LRRC4C: variants seen among roughly 807,000 people sequenced by gnomAD.
LRRC4C encodes leucine-rich repeat-containing protein 4C.
In LRRC4C, 5 loss-of-function variants were observed where a neutral mutation model predicts 33.6. The ratio of observed to expected loss-of-function variants is 0.15; its 90% CI spans 0.08 to 0.31. LRRC4C has a LOEUF of 0.31. LRRC4C is among the 10% of genes least tolerant of loss of function. The pLI is 1.00. For synonymous variants in LRRC4C, 329 were observed against 302.0 expected (o/e 1.09, Z -0.93); for missense variants, 560 against 796.7 (o/e 0.70, Z 3.58).
At chr11:40,747,717 A>G (rs1424746931) in intron 2 of LRRC4C, among the ~76,000 whole-genome samples, 1 of 152,132 alleles carries the variant, frequency 6.6e-6, no homozygotes, top group Non-Finnish European at 1.5e-5. Context: ...AGATATCATA[A>G]AAAAGGAATC....
chr11:40,341,638 G>A (rs1946871637), intron 3 of LRRC4C, among the ~76,000 whole-genome samples: 2 of 152,076 alleles, frequency 1.3e-5, no homozygotes, highest in African/African-American at 4.8e-5. Context: ...GTATACATAT[G>A]TAACTAACCT....
chr11:40,716,500 C>A (rs1188286408), intron 2 of LRRC4C, among the ~76,000 whole-genome samples: 1 of 151,980 alleles, frequency 6.6e-6, no homozygotes, highest in African/African-American at 2.4e-5. Context: ...ACTTTTGGGC[C>A]TCTGGGCAGG....
intron 1 of LRRC4C, among the ~76,000 whole-genome samples, chr11:41,201,443 G>C (rs1946395023): frequency 1.3e-5 from 2 of 152,136 alleles, no homozygotes; most frequent in Non-Finnish European, 2.9e-5. Flanking sequence ...GGTCCTGGTA[G>C]CTCTAATTTC....
intron 1 of LRRC4C, among the ~76,000 whole-genome samples, chr11:41,070,807 A>G (rs780544090): frequency 1.9e-4 from 29 of 152,186 alleles, no homozygotes; most frequent in Non-Finnish European, 2.5e-4. Flanking sequence ...ACACTTCTAC[A>G]CTGTTGGTGG....
intron 3 of LRRC4C, among the ~76,000 whole-genome samples, chr11:40,356,673 A>G (rs1374448835): frequency 6.6e-6 from 1 of 152,146 alleles, no homozygotes; most frequent in Non-Finnish European, 1.5e-5. Context: ...AACAAAACAC[A>G]GTGACATGCC....
At chr11:40,908,793 C>T (rs1170267394) in intron 2 of LRRC4C, among the ~76,000 whole-genome samples, 2 of 152,050 alleles carry the variant, frequency 1.3e-5, no homozygotes, top group Non-Finnish European at 2.9e-5. Flanking sequence ...TTTGCATAAA[C>T]CTAGATTTTA....
chr11:41,125,968 A>G (rs1942716607), intron 1 of LRRC4C, among the ~76,000 whole-genome samples: 1 of 152,184 alleles, frequency 6.6e-6, no homozygotes, highest in Non-Finnish European at 1.5e-5. Context: ...GGGCAGGTAT[A>G]AAAGCAAAGA....
chr11:40,573,502 G>T (rs1958064037), intron 3 of LRRC4C, among the ~76,000 whole-genome samples: 1 of 151,994 alleles, frequency 6.6e-6, no homozygotes, highest in Admixed American at 6.6e-5. Context: ...AATAATAACT[G>T]TTTCTTTTTT....
intron 2 of LRRC4C, among the ~76,000 whole-genome samples, chr11:40,849,014 C>G (rs1953342693): frequency 1.3e-5 from 2 of 152,092 alleles, no homozygotes; most frequent in Admixed American, 6.6e-5. Context: ...CTTCCTCTAT[C>G]CCTTTATTTT....
At chr11:40,437,397 CTTTTTTT>C (rs755579650) in intron 3 of LRRC4C, among the ~76,000 whole-genome samples, 1 of 144,110 alleles carries the variant, frequency 6.9e-6, no homozygotes, top group Non-Finnish European at 1.5e-5. Flanking sequence ...TTCTTTTTTT[CTTTTTTT>C]TTTTTTGGAG....
chr11:40,179,743 C>A (rs546753051), intron 5 of LRRC4C, among the ~76,000 whole-genome samples: 4 of 152,258 alleles, frequency 2.6e-5, no homozygotes, highest in African/African-American at 9.6e-5. Context: ...ACTCCAAAAC[C>A]AGACATCATT....
chr11:40,633,325 T>TTTCTTTCTTTCTTTCTTTCTTTC (rs1963631733), intron 3 of LRRC4C, among the ~76,000 whole-genome samples: 20 of 112,246 alleles, frequency 1.8e-4, no homozygotes, highest in African/African-American at 6.1e-4. Flanking sequence ...CAAGTTTTCT[T>TTTCTTTCTTTCTTTCTTTCTTTC]TTTCTTTCTT....
intron 3 of LRRC4C, among the ~76,000 whole-genome samples, chr11:40,353,827 G>A (rs901477638): frequency 2.0e-5 from 3 of 152,116 alleles, no homozygotes; most frequent in Non-Finnish European, 4.4e-5. Context: ...TGAATTCTCT[G>A]TCATACCAGG....
chr11:40,200,318 C>T (rs566345551), intron 5 of LRRC4C, among the ~76,000 whole-genome samples: 249 of 151,358 alleles, frequency 1.6e-3, no homozygotes, highest in African/African-American at 5.8e-3. Flanking sequence ...GAGCCGAGAT[C>T]GCGCCACTGC....
intron 3 of LRRC4C, among the ~76,000 whole-genome samples, chr11:40,363,946 C>T (rs1948085163): frequency 6.6e-6 from 1 of 152,176 alleles, no homozygotes; most frequent in Admixed American, 6.6e-5. Context: ...TTTTTGCTTA[C>T]ACCAGAAGAA....
At chr11:40,898,171 G>A (rs1410558703) in intron 2 of LRRC4C, among the ~76,000 whole-genome samples, 4 of 151,494 alleles carry the variant, frequency 2.6e-5, no homozygotes, top group Admixed American at 1.3e-4. Context: ...TTTGACCAAC[G>A]TGGAGAAACC....
chr11:41,035,699 A>G (rs920317645), intron 1 of LRRC4C, among the ~76,000 whole-genome samples: 2 of 152,210 alleles, frequency 1.3e-5, no homozygotes, highest in African/African-American at 4.8e-5. Flanking sequence ...TGGGAATAAT[A>G]CATTTTCTAA....
chr11:41,264,659 C>G (rs566278783), intron 1 of LRRC4C, among the ~76,000 whole-genome samples: 1 of 151,986 alleles, frequency 6.6e-6, no homozygotes, highest in Non-Finnish European at 1.5e-5. Context: ...ATATAAGAAA[C>G]AAGTAGTATA....
At chr11:40,592,579 G>T (rs1020656244) in intron 3 of LRRC4C, among the ~76,000 whole-genome samples, 9 of 152,196 alleles carry the variant, frequency 5.9e-5, no homozygotes, top group African/African-American at 1.4e-4. Context: ...ATACTGGAAT[G>T]CCCTGCCTTT....
Sources: gnomAD v4.1 joint callset for allele counts (sites outside exome capture counted in the v4.1 genomes callset) on GRCh38, gnomAD v4.1.1 for gene constraint, MANE v1.5 for transcripts, NCBI Gene and HGNC (gene_info 2026-07-23, HGNC 2026-07-21) for gene names.